Variants in H4C15 observed in about 807,000 individuals in gnomAD.
H4C15 encodes the protein histone H4.
the H4C15 span, chr1:149,848,501 C>T: frequency 1.6e-3 from 238 of 152,224 alleles, no homozygotes; most frequent in Non-Finnish European, 2.8e-3. Context: ...ACAGTCCATC[C>T]TCCTGCTGCC....
chr1:149,846,023 AG>A, the H4C15 span: 1 of 152,214 alleles, frequency 6.6e-6, no homozygotes, highest in East Asian at 1.9e-4. Flanking sequence ...TCTGGAGTTT[AG>A]GAAAGAGAAG....
chr1:149,850,049 A>G (rs1359659947), downstream of H4C15: 1 of 392,040 alleles, frequency 2.6e-6, no homozygotes, highest in Non-Finnish European at 4.8e-6. Context: ...TCCTGGGCAC[A>G]TATTCACGGG....
chr1:149,849,532 T>C (rs1553757449), downstream of H4C15, among the ~76,000 whole-genome samples: 3 of 152,200 alleles, frequency 2.0e-5, no homozygotes, highest in South Asian at 4.1e-4. Flanking sequence ...AAAACAAACC[T>C]AATCAACCTC....
downstream of H4C15, among the ~76,000 whole-genome samples, chr1:149,849,620 G>C (rs2092162546): frequency 6.6e-6 from 1 of 152,144 alleles, no homozygotes; most frequent in Non-Finnish European, 1.5e-5. Context: ...TGTTGCTATT[G>C]TATGGAACAA....
downstream of H4C15, among the ~76,000 whole-genome samples, chr1:149,849,463 G>A (rs920317187): frequency 6.6e-6 from 1 of 152,176 alleles, no homozygotes; most frequent in South Asian, 2.1e-4. Flanking sequence ...AGAGCAATCA[G>A]TATAATATTT....
downstream of H4C15, chr1:149,849,158 TATTA>T (rs1553757400): frequency 6.6e-6 from 1 of 152,268 alleles, no homozygotes; most frequent in Non-Finnish European, 1.5e-5. Flanking sequence ...CAGCCACACC[TATTA>T]ATTCTACCTC....
At chr1:149,850,062 C>G, downstream of H4C15, 1 of 404,898 alleles carries the variant, frequency 2.5e-6, no homozygotes. Context: ...TTCACGGGTA[C>G]GTAACCAGGC....
downstream of H4C15, chr1:149,850,292 G>A (rs188068466): frequency 2.1e-6 from 3 of 1,398,510 alleles, no homozygotes; most frequent in East Asian, 2.4e-5. Context: ...TTTAACTGAG[G>A]TGGTTAAATG....
chr1:149,850,566 TGTC>T (rs782542127), downstream of H4C15: 8 of 680,324 alleles, frequency 1.2e-5, no homozygotes, highest in South Asian at 1.1e-4. Flanking sequence ...CGCTCGAAGA[TGTC>T]GTTGAGGAAG....
At chr1:149,850,364 AG>A (rs2092171188), downstream of H4C15, 1 of 720,728 alleles carries the variant, frequency 1.4e-6, no homozygotes, top group African/African-American at 1.8e-5. Flanking sequence ...GGAGGGAGGG[AG>A]CGAGCGAGCG....
chr1:149,850,261 C>G, downstream of H4C15: 1 of 1,227,036 alleles, frequency 8.1e-7, no homozygotes, highest in Non-Finnish European at 1.2e-6. Flanking sequence ...TCAACTGGGA[C>G]TGACAACACA....
downstream of H4C15, among the ~76,000 whole-genome samples, chr1:149,849,419 T>G (rs1440296333): frequency 1.3e-5 from 2 of 152,214 alleles, no homozygotes; most frequent in East Asian, 1.9e-4. Flanking sequence ...CTTTCCTCGC[T>G]TCTATTGTGG....
At chr1:149,850,184 G>T (rs1201631214), downstream of H4C15, 149 of 684,598 alleles carry the variant, frequency 2.2e-4, no homozygotes, top group Non-Finnish European at 9.9e-5. Flanking sequence ...TATGTGAAAA[G>T]AAAATAGTTA....
At chr1:149,850,394 T>G (rs1296127919), downstream of H4C15, 17 of 910,268 alleles carry the variant, frequency 1.9e-5, no homozygotes, top group Admixed American at 3.0e-4. Flanking sequence ...CGGCAGGGAC[T>G]CACTTGGAGC....
At chr1:149,846,299 G>A in the H4C15 span, 1 of 152,110 alleles carries the variant, frequency 6.6e-6, no homozygotes, top group Non-Finnish European at 1.5e-5. Flanking sequence ...AATCACAAAA[G>A]TCACCATTAC....
the H4C15 span, chr1:149,844,909 A>G: frequency 6.6e-6 from 1 of 152,256 alleles, no homozygotes; most frequent in Non-Finnish European, 1.5e-5. Flanking sequence ...CTAAGCCTGA[A>G]AAGTTAATTT....
chr1:149,850,836 A>G, downstream of H4C15: 1 of 158,694 alleles, frequency 6.3e-6, no homozygotes, highest in Non-Finnish European at 1.1e-5. Context: ...CTCGGGGTCT[A>G]CCGGAAACGA....
At chr1:149,846,057 A>G in the H4C15 span, 2 of 152,142 alleles carry the variant, frequency 1.3e-5, no homozygotes, top group African/African-American at 4.8e-5. Context: ...GTAAGATCTC[A>G]TATCAGTCTG....
At chr1:149,845,815 A>G in the H4C15 span, 1 of 152,224 alleles carries the variant, frequency 6.6e-6, no homozygotes, top group South Asian at 2.1e-4. Context: ...TTGATTTAGT[A>G]TAGGCTGACT....
Sources: gnomAD v4.1 joint callset for allele counts (sites outside exome capture counted in the v4.1 genomes callset) on GRCh38, gnomAD v4.1.1 for gene constraint, MANE v1.5 for transcripts, NCBI Gene and HGNC (gene_info 2026-07-23, HGNC 2026-07-21) for gene names.